DPP10: variants seen among roughly 807,000 people sequenced by gnomAD.
DPP10 encodes the protein inactive dipeptidyl peptidase 10.
Under a neutral mutation model 120.9 loss-of-function variants are expected in DPP10, and 33 were observed. The ratio of observed to expected loss-of-function variants is 0.27; its 90% CI spans 0.21 to 0.37. DPP10 has a LOEUF of 0.37. Among genes scored for constraint, DPP10 ranks in the 10% least tolerant of loss-of-function variants. DPP10 has a pLI of 1.00. For synonymous variants in DPP10, 337 were observed against 326.1 expected (o/e 1.03, Z -0.36); for missense variants, 816 against 942.8 (o/e 0.87, Z 1.76).
intron 1 of DPP10, among the ~76,000 whole-genome samples, chr2:114,482,074 G>A (rs1281361597): frequency 6.6e-6 from 1 of 152,054 alleles, no homozygotes; most frequent in African/African-American, 2.4e-5. Context: ...CATGAGAACA[G>A]CATGGCATGA....
At position 114,705,903 on chromosome 2, in the gene DPP10, C is replaced by T. The variant is rs540353256; in HGVS notation, c.60+263065C>T. Reference sequence around the variant, plus strand: ...ATATTATTTGCCCAGGTCCATGTATCAGCTTCATCCTAAGGCTGGCTTCTC... The same window carrying T: ...ATATTATTTGCCCAGGTCCATGTATTAGCTTCATCCTAAGGCTGGCTTCTC... On this transcript the variant is annotated intron_variant, in intron 1 of 25. Transcript: ENST00000410059. Among the ~76,000 whole-genome samples, 14 of 152,282 alleles carry T rather than the reference C, an allele frequency of 9.2e-5. 2 individuals are homozygous for T. In the South Asian group the frequency reaches 2.9e-3, roughly 32 times the overall value.
intron 3 of DPP10, among the ~76,000 whole-genome samples, chr2:115,406,594 T>A (rs1559554729): frequency 1.3e-5 from 2 of 152,184 alleles, no homozygotes; most frequent in Non-Finnish European, 2.9e-5. Context: ...TAACTTGATT[T>A]AAAAATCTGT....
intron 2 of DPP10, among the ~76,000 whole-genome samples, chr2:115,342,593 A>G (rs1400889487): frequency 6.6e-6 from 1 of 152,156 alleles, no homozygotes; most frequent in Non-Finnish European, 1.5e-5. Context: ...CCTTTACAGT[A>G]CTGCACTTGT....
intron 1 of DPP10, among the ~76,000 whole-genome samples, chr2:114,922,487 T>C (rs1386247016): frequency 6.6e-6 from 1 of 152,114 alleles, no homozygotes; most frequent in Non-Finnish European, 1.5e-5. Context: ...AATTTTTCCA[T>C]TTTTAGTAGA....
At chr2:115,462,922 G>A (rs1270243195) in intron 3 of DPP10, among the ~76,000 whole-genome samples, 1 of 152,116 alleles carries the variant, frequency 6.6e-6, no homozygotes, top group African/African-American at 2.4e-5. Flanking sequence ...AGTAGAGTTG[G>A]GGTTTTGTTA....
intron 3 of DPP10, among the ~76,000 whole-genome samples, chr2:115,464,427 A>AAAAC (rs940776891): frequency 1.3e-5 from 2 of 151,852 alleles, no homozygotes; most frequent in Non-Finnish European, 1.5e-5. Context: ...CAAACAAAAC[A>AAAAC]AAACAAACAA....
intron 1 of DPP10, among the ~76,000 whole-genome samples, chr2:115,236,704 G>T (rs868667868): frequency 2.0e-5 from 3 of 152,250 alleles, no homozygotes; most frequent in African/African-American, 7.2e-5. Flanking sequence ...TTACACTGAG[G>T]ATTAGAAAGA....
intron 1 of DPP10, among the ~76,000 whole-genome samples, chr2:114,938,023 T>C (rs1188076836): frequency 6.6e-6 from 1 of 152,156 alleles, no homozygotes; most frequent in Non-Finnish European, 1.5e-5. Flanking sequence ...GTAAGTAACA[T>C]ATACACATTT....
At chr2:114,672,074 A>G (rs1411272376) in intron 1 of DPP10, among the ~76,000 whole-genome samples, 2 of 152,170 alleles carry the variant, frequency 1.3e-5, no homozygotes, top group Non-Finnish European at 2.9e-5. Flanking sequence ...TTTGTAAGAA[A>G]GAATTGCATA....
rs994609933 is a variant in DPP10 at position 115,845,716 on chromosome 2, A to C, written c.*3371A>C. The C allele has an allele frequency of 2.0e-5, 3 of 152,192 alleles. No individual in the cohort carries two copies. The highest frequency in any genetic ancestry group is 7.2e-5 in the African/African-American group (3 of 41,434). The allele number at this position is 152,192 out of a possible 1,614,324, so 9.4% of individuals were successfully genotyped here. A position where few individuals can be genotyped will look rare whatever the true frequency, so the allele number is the denominator to read the frequency against. On this transcript the variant is annotated 3_prime_UTR_variant, in exon 26 of 26. Transcript: ENST00000410059. ...TTATCACTGTGAATATTACAGGAGG[A>C]GAAATAAAATAAGAATAAATCAGTG... is the stretch of plus-strand genomic sequence containing the variant.
chr2:115,603,138 G>C (rs2083443743), intron 5 of DPP10, among the ~76,000 whole-genome samples: 1 of 150,586 alleles, frequency 6.6e-6, no homozygotes, highest in Non-Finnish European at 1.5e-5. Flanking sequence ...GTGTGTGTGT[G>C]TGTGTGTGTG....
chr2:114,755,508 T>C lies in DPP10; in HGVS notation c.60+312670T>C, dbSNP rs572983852. Among the ~76,000 whole-genome samples the C allele has an allele frequency of 1.4e-4, 22 of 152,346 alleles. No homozygotes were observed. In the South Asian group the frequency reaches 4.6e-3, roughly 32 times the overall value. ...AGGTTTGGTTTCTGAACTTCTGTTTTAGGTACTTATAATCTAATGGAAGAA... is the reference window on the plus strand; with the variant it reads ...AGGTTTGGTTTCTGAACTTCTGTTTCAGGTACTTATAATCTAATGGAAGAA... On this transcript the variant is annotated intron_variant, in intron 1 of 25. Transcript: ENST00000410059.
intron 1 of DPP10, among the ~76,000 whole-genome samples, chr2:114,870,476 T>C (rs1199691212): frequency 1.3e-5 from 2 of 152,066 alleles, no homozygotes; most frequent in Admixed American, 6.6e-5. Flanking sequence ...AGTAATAAAT[T>C]ATTTTATCTG....
At chr2:114,681,823 A>G (rs1699047958) in intron 1 of DPP10, among the ~76,000 whole-genome samples, 2 of 151,978 alleles carry the variant, frequency 1.3e-5, no homozygotes, top group South Asian at 4.1e-4. Flanking sequence ...AATTTGCTAT[A>G]TTTTATGTTT....
At chr2:115,779,272 C>G (rs190956321) in intron 15 of DPP10, among the ~76,000 whole-genome samples, 7 of 152,070 alleles carry the variant, frequency 4.6e-5, no homozygotes, top group African/African-American at 1.7e-4. Flanking sequence ...CTAGTGTAGT[C>G]GACAGTGTTA....
rs1484613337 is a variant in DPP10, at chr2:115,161,836, C to T, written c.61-147403C>T. The T allele has an allele frequency of 3.0e-6, 3 of 1,009,880 alleles. No individual in the cohort carries two copies. The East Asian group carries it at 1.1e-4, about 35-fold the overall frequency. The allele number at this position is 1,009,880 out of a possible 1,614,324, so 62.6% of individuals were successfully genotyped here. A position where few individuals can be genotyped will look rare whatever the true frequency, so the allele number is the denominator to read the frequency against. On this transcript the variant is annotated intron_variant, in intron 1 of 25. Transcript: ENST00000410059. ...CCTCCCCGCCCCTCCGCTCCCCCCA[C>T]CCCGTCCCTTCCGCCGATTCCGGGA...
At chr2:114,466,132 A>C (rs1366137692) in intron 1 of DPP10, among the ~76,000 whole-genome samples, 1 of 152,198 alleles carries the variant, frequency 6.6e-6, no homozygotes, top group Non-Finnish European at 1.5e-5. Flanking sequence ...TAAAAATCCC[A>C]TATGATTTAT....
chr2:115,629,940 T>C (rs2085701820), intron 5 of DPP10, among the ~76,000 whole-genome samples: 1 of 152,108 alleles, frequency 6.6e-6, no homozygotes, highest in African/African-American at 2.4e-5. Context: ...CTGTGAAGAA[T>C]GCCAATGGTA....
At chr2:115,225,823 A>G (rs2057408319) in intron 1 of DPP10, among the ~76,000 whole-genome samples, 6 of 151,690 alleles carry the variant, frequency 4.0e-5, no homozygotes, top group Admixed American at 3.9e-4. Context: ...TTCAATTGAG[A>G]AGAAAAAGTT....
Sources: gnomAD v4.1 joint callset for allele counts (sites outside exome capture counted in the v4.1 genomes callset) on GRCh38, gnomAD v4.1.1 for gene constraint, MANE v1.5 for transcripts, NCBI Gene and HGNC (gene_info 2026-07-23, HGNC 2026-07-21) for gene names.